Variants in AKAP12 observed in about 807,000 individuals in gnomAD.
AKAP12 encodes A-kinase anchoring protein 12.
Under a neutral mutation model 79.9 loss-of-function variants are expected in AKAP12, and 32 were observed. The observed-to-expected ratio is 0.40, with a 90% confidence interval of 0.30 to 0.54. The LOEUF (loss-of-function observed/expected upper bound fraction) is 0.54, where lower values mean the gene tolerates loss of function less well. Ranked by LOEUF, AKAP12 falls within the 20% of genes least tolerant of loss-of-function variation. The pLI, the probability that AKAP12 is intolerant of heterozygous loss-of-function variation, is 0.48. For missense variants in AKAP12, 2,074 were observed against 2,177.0 expected (o/e 0.95, Z 0.94); for synonymous variants, 808 against 857.0 (o/e 0.94, Z 1.00).
intron 3 of AKAP12, among the ~76,000 whole-genome samples, chr6:151,337,472 G>A (rs936191803): frequency 3.5e-5 from 5 of 141,506 alleles, no homozygotes; most frequent in Admixed American, 3.0e-4. Flanking sequence ...CCGAGATCGC[G>A]CCATTGCACT....
chr6:151,313,126 T>C (rs949682388), intron 3 of AKAP12, among the ~76,000 whole-genome samples: 1 of 152,228 alleles, frequency 6.6e-6, no homozygotes, highest in Non-Finnish European at 1.5e-5. Context: ...GCATCAGCAC[T>C]GACAAAGCCA....
At chr6:151,325,046 C>T (rs931554965) in intron 3 of AKAP12, 28 of 985,272 alleles carry the variant, frequency 2.8e-5, no homozygotes, top group Non-Finnish European at 2.9e-5. Context: ...TGAAAAGTTG[C>T]CTTGGTCAAG....
At chr6:151,323,317 G>T (rs534795197) in intron 3 of AKAP12, among the ~76,000 whole-genome samples, 1 of 152,178 alleles carries the variant, frequency 6.6e-6, no homozygotes, top group Non-Finnish European at 1.5e-5. Flanking sequence ...TTGGGAGGCC[G>T]AGGCGGGTGG....
At chr6:151,299,454 A>G (rs9383565) in intron 2 of AKAP12, among the ~76,000 whole-genome samples, 42,668 of 152,054 alleles carry the variant, frequency 0.28, 6,351 homozygotes, top group East Asian at 0.43. Context: ...CATAGAGGTA[A>G]CCATTATTAA....
intron 3 of AKAP12, among the ~76,000 whole-genome samples, chr6:151,321,903 G>GTTTTTTTTT (rs11415941): frequency 3.3e-4 from 22 of 67,316 alleles, no homozygotes; most frequent in Non-Finnish European, 4.9e-4. Flanking sequence ...TCAGCTTTAT[G>GTTTTTTTTT]TTTTTTTTTT....
chr6:151,333,556 A>G (rs771387663), intron 3 of AKAP12, among the ~76,000 whole-genome samples: 7 of 151,452 alleles, frequency 4.6e-5, no homozygotes, highest in East Asian at 2.0e-4. Context: ...TTTGAGACCA[A>G]TCTGGCCAAC....
chr6:151,347,186 A>G (rs573899710), intron 3 of AKAP12, among the ~76,000 whole-genome samples: 18 of 152,264 alleles, frequency 1.2e-4, no homozygotes, highest in African/African-American at 4.3e-4. Flanking sequence ...TCCTTTTGAC[A>G]CCTCCATCAG....
intron 2 of AKAP12, among the ~76,000 whole-genome samples, chr6:151,252,356 T>C (rs1218604379): frequency 6.6e-6 from 1 of 151,988 alleles, no homozygotes; most frequent in African/African-American, 2.4e-5. Context: ...CCACCATGCC[T>C]GGCTAATTTT....
intron 2 of AKAP12, among the ~76,000 whole-genome samples, chr6:151,278,261 G>A (rs1055197307): frequency 2.0e-5 from 3 of 152,218 alleles, no homozygotes; most frequent in Non-Finnish European, 4.4e-5. Context: ...TGTCACTCAG[G>A]TTGGAGTAAA....
chr6:151,280,278 TATATA>T (rs535564843), intron 2 of AKAP12, among the ~76,000 whole-genome samples: 114 of 152,166 alleles, frequency 7.5e-4, no homozygotes, highest in African/African-American at 2.6e-3. Flanking sequence ...CATCCTTTCA[TATATA>T]ATATAATTTT....
chr6:151,333,509 G>A (rs182376238), intron 3 of AKAP12, among the ~76,000 whole-genome samples: 2 of 152,262 alleles, frequency 1.3e-5, no homozygotes, highest in East Asian at 1.9e-4. Context: ...CCAGCACTTT[G>A]GGAGGCCGAC....
intron 3 of AKAP12, among the ~76,000 whole-genome samples, chr6:151,321,903 G>GTTTTTTTTTTTTTTTTT (rs11415941): frequency 1.5e-5 from 1 of 67,358 alleles, no homozygotes; most frequent in African/African-American, 6.2e-5. Flanking sequence ...TCAGCTTTAT[G>GTTTTTTTTTTTTTTTTT]TTTTTTTTTT....
At chr6:151,315,685 T>G (rs75866473) in intron 3 of AKAP12, among the ~76,000 whole-genome samples, 6,257 of 152,282 alleles carry the variant, frequency 0.041, 428 homozygotes, top group African/African-American at 0.14. Context: ...ATGATGTCCC[T>G]GTATTATAGT....
intron 2 of AKAP12, 130 bp downstream of exon 2, chr6:151,240,854 A>C (rs1796959261): frequency 6.8e-6 from 6 of 880,340 alleles, no homozygotes; most frequent in African/African-American, 5.2e-5. Flanking sequence ...CAAACTCAGG[A>C]GTGCGAACCC....
In AKAP12 at chr6:151,353,538, A is replaced by C; in HGVS notation, c.5147A>C (p.Asp1716Ala). 6.2e-7 allele frequency: 1 copy of C among 1,614,212 alleles called. No homozygotes were observed. The change falls in exon 4 of 5, where the codon GAT (aspartate) becomes GCT (alanine). Residue 1716 changes from aspartate (D) to alanine (A), a missense_variant. By Grantham distance (126) the Asp-to-Ala change is moderately radical. Coordinates refer to ENST00000402676, the MANE Select transcript of AKAP12 (RefSeq NM_005100.4). ...DPENQNSALADTDASGGLTKE... is the reference protein window; with the variant it reads ...DPENQNSALAATDASGGLTKE... ...GAAAACCAGAACTCAGCCCTGGCTG[A>C]TACTGATGCCTCAGGAGGCTTAACC... is the stretch of plus-strand genomic sequence containing the variant.
chr6:151,306,956 A>G (rs1776990405), intron 3 of AKAP12, among the ~76,000 whole-genome samples: 1 of 152,232 alleles, frequency 6.6e-6, no homozygotes, highest in Non-Finnish European at 1.5e-5. Flanking sequence ...TAACTTTTGA[A>G]TCAAGTCAAG....
At chr6:151,302,483 G>A (rs1253287583) in intron 2 of AKAP12, among the ~76,000 whole-genome samples, 7 of 152,068 alleles carry the variant, frequency 4.6e-5, no homozygotes, top group African/African-American at 7.2e-5. Context: ...AAGAGTAGAC[G>A]GAAATTTGTG....
At chr6:151,287,732 A>G (rs1776533720) in intron 2 of AKAP12, among the ~76,000 whole-genome samples, 2 of 152,232 alleles carry the variant, frequency 1.3e-5, no homozygotes, top group Admixed American at 1.3e-4. Context: ...CCAAAGGATT[A>G]TAAATCATTC....
intron 3 of AKAP12, among the ~76,000 whole-genome samples, chr6:151,346,826 A>T (rs911029754): frequency 2.6e-5 from 4 of 152,192 alleles, no homozygotes; most frequent in African/African-American, 9.6e-5. Flanking sequence ...TGATTTTCTA[A>T]ATCTAAAATT....
Sources: gnomAD v4.1 joint callset for allele counts (sites outside exome capture counted in the v4.1 genomes callset) on GRCh38, gnomAD v4.1.1 for gene constraint, MANE v1.5 for transcripts, NCBI Gene and HGNC (gene_info 2026-07-23, HGNC 2026-07-21) for gene names.